Variants in ATXN1 observed in about 807,000 individuals in gnomAD.
The protein encoded by ATXN1 is ataxin 1.
A neutral mutation model predicts 56.4 loss-of-function variants in ATXN1; 8 were observed. That is an observed-to-expected ratio of 0.14 (90% confidence interval 0.08 to 0.26). The LOEUF (loss-of-function observed/expected upper bound fraction) is 0.26, where lower values mean the gene tolerates loss of function less well. Ranked by LOEUF, ATXN1 falls within the 10% of genes least tolerant of loss-of-function variation. The probability of loss-of-function intolerance (pLI) is 1.00; values close to 1 mark genes in which losing one functional copy is unlikely to be tolerated. For synonymous variants in ATXN1, 514 were observed against 494.6 expected (o/e 1.04, Z -0.52); for missense variants, 987 against 1,106.5 (o/e 0.89, Z 1.53).
intron 6 of ATXN1, among the ~76,000 whole-genome samples, chr6:16,350,612 T>C (rs1414599354): frequency 6.6e-6 from 1 of 152,238 alleles, no homozygotes; most frequent in Non-Finnish European, 1.5e-5. Context: ...TCTCTCTTTT[T>C]CCCATATTTA....
rs140470305 is a variant in ATXN1, at chr6:16,600,325, T to C, written c.-488-14418A>G. 1.3e-4 allele frequency among the ~76,000 whole-genome samples: 20 copies of C among 152,356 alleles called. 2 individuals carry two copies. The East Asian group carries it at 3.9e-3, about 29-fold the overall frequency. ...TGATTTTGGAGCAACACATCACTGA[T>C]TACATTCCATTAATACAGATAATTA... On this transcript the variant is annotated intron_variant, in intron 3 of 7. Transcript: ENST00000436367.
chr6:16,745,563 ACTTTTG>A (rs1246819297), intron 2 of ATXN1, among the ~76,000 whole-genome samples: 2 of 152,296 alleles, frequency 1.3e-5, no homozygotes, highest in African/African-American at 4.8e-5. Context: ...ATCAAAGGGA[ACTTTTG>A]CTTTTATTGG....
At chr6:16,671,846 G>T (rs1369388730) in intron 2 of ATXN1, among the ~76,000 whole-genome samples, 1 of 152,154 alleles carries the variant, frequency 6.6e-6, no homozygotes, top group Non-Finnish European at 1.5e-5. Context: ...ACATGTAACT[G>T]AAATGACAAG....
At position 16,306,486 on chromosome 6, in the gene ATXN1, C is replaced by T; in HGVS notation, c.2291G>A (p.Ser764Asn). 1 of 1,614,164 alleles carries T rather than the reference C, an allele frequency of 6.2e-7. No homozygotes were observed. Among genetic ancestry groups the T allele is most frequent in the East Asian group, 2.2e-5 (1 of 44,876 alleles). Reference sequence around the variant, plus strand: ...CCTCTTCCTCGTTGCCGCGGGCTTGCTGGGTTCTATTTTGGTGAGGAAGGG... The same window carrying T: ...CCTCTTCCTCGTTGCCGCGGGCTTGTTGGGTTCTATTTTGGTGAGGAAGGG... ...AAPFLTKIEPSKPAATRKRRW... is the reference protein window; with the variant it reads ...AAPFLTKIEPNKPAATRKRRW... Residue 764 changes from serine (S) to asparagine (N), a missense_variant, in exon 8 of 8, where the codon AGC becomes AAC. Transcript: ENST00000436367. The surrounding 1 kb of genome is among the most constrained non-coding windows in gnomAD (Gnocchi z 5.2).
intron 2 of ATXN1, among the ~76,000 whole-genome samples, chr6:16,708,073 T>C (rs1759444519): frequency 6.6e-6 from 1 of 152,024 alleles, no homozygotes; most frequent in Non-Finnish European, 1.5e-5. Context: ...ATGATGCGTG[T>C]AAAATGAACA....
chr6:16,523,194 A>G (rs1488792301), intron 4 of ATXN1, among the ~76,000 whole-genome samples: 1 of 151,914 alleles, frequency 6.6e-6, no homozygotes, highest in Non-Finnish European at 1.5e-5. Context: ...GAGCCATCGT[A>G]CCCAGCCGTG....
chr6:16,612,991 C>T (rs1336560744), intron 3 of ATXN1, among the ~76,000 whole-genome samples: 2 of 151,642 alleles, frequency 1.3e-5, no homozygotes, highest in East Asian at 1.9e-4. Context: ...TTTGGCCGGG[C>T]GCGGTGGCTC....
chr6:16,421,476 G>T (rs1265424270), intron 6 of ATXN1, among the ~76,000 whole-genome samples: 1 of 152,108 alleles, frequency 6.6e-6, no homozygotes, highest in Non-Finnish European at 1.5e-5. Flanking sequence ...GCATGGAAAG[G>T]TCCTCAGACC....
At chr6:16,629,192 T>A (rs1581310361) in intron 3 of ATXN1, among the ~76,000 whole-genome samples, 1 of 152,214 alleles carries the variant, frequency 6.6e-6, no homozygotes. Context: ...TAGTATCTCA[T>A]TGTGCTTTTG....
chr6:16,636,007 A>G (rs770702435), intron 3 of ATXN1, among the ~76,000 whole-genome samples: 10 of 152,148 alleles, frequency 6.6e-5, no homozygotes, highest in Non-Finnish European at 1.5e-4. Flanking sequence ...AGTTCTCCCA[A>G]TAAAAGTCAC....
intron 6 of ATXN1, among the ~76,000 whole-genome samples, chr6:16,393,430 T>G (rs1205301384): frequency 6.6e-6 from 1 of 152,106 alleles, no homozygotes; most frequent in Non-Finnish European, 1.5e-5. Context: ...GAGAGGAGTT[T>G]TGCTTTTTTG....
chr6:16,391,189 T>C (rs1301797221), intron 6 of ATXN1, among the ~76,000 whole-genome samples: 1 of 147,456 alleles, frequency 6.8e-6, no homozygotes, highest in Non-Finnish European at 1.5e-5. Context: ...AAAAAAGTTA[T>C]GAAGGTCTTC....
At chr6:16,473,784 C>T (rs1304141161) in intron 6 of ATXN1, among the ~76,000 whole-genome samples, 1 of 152,170 alleles carries the variant, frequency 6.6e-6, no homozygotes, top group Non-Finnish European at 1.5e-5. Context: ...GAAGGGCCTC[C>T]AACCTCTTTT....
chr6:16,528,403 A>G (rs1213691833), intron 4 of ATXN1, among the ~76,000 whole-genome samples: 1 of 152,186 alleles, frequency 6.6e-6, no homozygotes, highest in African/African-American at 2.4e-5. Context: ...CATATCATGT[A>G]TTCCAGATCT....
chr6:16,415,591 T>G (rs1758886570), intron 6 of ATXN1, among the ~76,000 whole-genome samples: 1 of 152,220 alleles, frequency 6.6e-6, no homozygotes, highest in African/African-American at 2.4e-5. Context: ...GAAATAGGGC[T>G]TCGCATAAAA....
intron 4 of ATXN1, among the ~76,000 whole-genome samples, chr6:16,566,875 A>G (rs1032486002): frequency 7.9e-5 from 12 of 151,978 alleles, no homozygotes; most frequent in African/African-American, 2.7e-4. Context: ...AACAACAACA[A>G]CAACAACAAA....
Position 16,328,386 on chromosome 6 carries a change from C to T in ATXN1, c.-76G>A. 1 of 1,422,788 alleles carries T rather than the reference C, an allele frequency of 7.0e-7. No individual in the cohort carries two copies. The highest frequency in any genetic ancestry group is 9.2e-7 in the Non-Finnish European group (1 of 1,092,384). The allele number at this position is 1,422,788 out of a possible 1,614,324, so 88.1% of individuals were successfully genotyped here. ...GATTTTAGTCTGATAAACGGAAAGTCACATTTGATTTCTGTAGGGGATCCA... is the reference window on the plus strand; with the variant it reads ...GATTTTAGTCTGATAAACGGAAAGTTACATTTGATTTCTGTAGGGGATCCA... On this transcript the variant is annotated 5_prime_UTR_variant, in exon 7 of 8. An upstream open reading frame in the 5' UTR loses its in-frame stop. Coordinates refer to ENST00000436367, the MANE Select transcript of ATXN1 (RefSeq NM_001128164.2). This position sits in a 1 kb window ranked among gnomAD's most constrained non-coding sequence, Gnocchi z 6.2.
intron 2 of ATXN1, among the ~76,000 whole-genome samples, chr6:16,740,965 GTTAAGCAAAGACATGTC>G (rs1288295177): frequency 6.6e-6 from 1 of 152,200 alleles, no homozygotes; most frequent in Non-Finnish European, 1.5e-5. Flanking sequence ...GGCTAACTCA[GTTAAGCAAAGACATGTC>G]TTTTCATCCT....
At chr6:16,612,931 A>C (rs1763137665) in intron 3 of ATXN1, among the ~76,000 whole-genome samples, 1 of 151,534 alleles carries the variant, frequency 6.6e-6, no homozygotes, top group Non-Finnish European at 1.5e-5. Flanking sequence ...TAAGAAAAGC[A>C]ATATAAAGGA....
Sources: gnomAD v4.1 joint callset for allele counts (sites outside exome capture counted in the v4.1 genomes callset) on GRCh38, gnomAD v4.1.1 for gene constraint, Gnocchi (gnomAD v3.1) non-coding constraint, MANE v1.5 for transcripts, NCBI Gene and HGNC (gene_info 2026-07-23, HGNC 2026-07-21) for gene names.